Variants in CFAP74 observed in about 807,000 individuals in gnomAD.
The protein encoded by CFAP74 is cilia- and flagella-associated protein 74.
CFAP74 carries 124 observed loss-of-function variants against 188.9 expected under a neutral mutation model. That is an observed-to-expected ratio of 0.66 (90% CI 0.57 to 0.76). The LOEUF (loss-of-function observed/expected upper bound fraction) is 0.76, where lower values mean the gene tolerates loss of function less well. Among genes scored for constraint, CFAP74 ranks in the 30% least tolerant of loss-of-function variants. The probability of loss-of-function intolerance (pLI) is 0.00; values close to 1 mark genes in which losing one functional copy is unlikely to be tolerated. For missense variants in CFAP74, 2,198 were observed against 2,165.2 expected, an observed-to-expected ratio of 1.02 and a Z score of -0.30; for synonymous variants, 956 against 916.7, an observed-to-expected ratio of 1.04 and a Z score of -0.77.
chr1:1,965,792 G>A (rs1417986733), intron 12 of CFAP74, among the ~76,000 whole-genome samples: 1 of 152,202 alleles, frequency 6.6e-6, no homozygotes, highest in Non-Finnish European at 1.5e-5. Context: ...AGAACCAGCA[G>A]AACCAGGTGG....
intron 6 of CFAP74, among the ~76,000 whole-genome samples, chr1:1,983,520 C>T (rs912561302): frequency 6.6e-6 from 1 of 152,246 alleles, no homozygotes; most frequent in African/African-American, 2.4e-5. Context: ...CCGCCTGTCA[C>T]AGAAGAACCG....
rs181015303 is a variant in CFAP74, at chr1:1,955,698, C to A, written c.2169G>T (p.Gln723His). 6.0e-4 allele frequency: 971 copies of A among 1,608,474 alleles called. 4 individuals are homozygous for A. In the East Asian group the frequency reaches 0.015, roughly 25 times the overall value. Residue 723 changes from glutamine (Q) to histidine (H), a missense_variant, in exon 18 of 39, where the codon CAG becomes CAT. Physicochemically the swap from Gln to His is conservative, Grantham distance 24. Coordinates refer to ENST00000682832, the MANE Select transcript of CFAP74 (RefSeq NM_001304360.2). ...CCTGGCAGCCTGGCTCACCTGCGGG[C>A]TGCTCCTCCTCCTGCTCCTTGTCCA... is the stretch of plus-strand genomic sequence containing the variant. ...EKLDKEQEEE[Q>H]PAEPERLTTV...
In CFAP74 at chr1:1,926,335, GGGA is replaced by G; in HGVS notation, c.3838_3840del (p.Ser1280del). 6.5e-7 allele frequency: 1 copy of G among 1,548,450 alleles called. No homozygotes were observed. Among genetic ancestry groups the G allele is most frequent in the Non-Finnish European group, 8.7e-7 (1 of 1,145,794 alleles). On this transcript the variant is annotated inframe_deletion, in exon 32 of 39. Transcript: ENST00000682832. ...ACAAAGGGGCCGTTGGGGTTCAGCA[GGGA>G]GAAGTCCAGCTGAGGGTCCACGTCA...
chr1:1,959,422 C>T lies in CFAP74; in HGVS notation c.1762-213G>A, dbSNP rs117050329. ...TAGCTGGGATTACAGGCATGCGCCA[C>T]CATATCTGGCTAATTGTATTTTTTG... On this transcript the variant is annotated intron_variant, in intron 15 of 38. Coordinates refer to ENST00000682832, the MANE Select transcript of CFAP74 (RefSeq NM_001304360.2). 2.1e-3 allele frequency among the ~76,000 whole-genome samples: 323 copies of T among 151,920 alleles called. 13 individuals carry two copies. The highest frequency in any genetic ancestry group is 0.017 in the Admixed American group (266 of 15,262).
chr1:1,938,260 A>G (rs1468458108), intron 25 of CFAP74, among the ~76,000 whole-genome samples: 3 of 146,034 alleles, frequency 2.1e-5, no homozygotes, highest in South Asian at 2.2e-4. Flanking sequence ...CTCACACTCA[A>G]CCTTACACAC....
At chr1:1,977,012 A>AT (rs1282220651) in intron 6 of CFAP74, among the ~76,000 whole-genome samples, 3 of 150,032 alleles carry the variant, frequency 2.0e-5, no homozygotes, top group African/African-American at 7.4e-5. Flanking sequence ...TGCCCGGCTA[A>AT]TTTTTTGTAT....
chr1:1,948,149 G>A (rs1026167487), intron 18 of CFAP74, among the ~76,000 whole-genome samples: 1 of 152,172 alleles, frequency 6.6e-6, no homozygotes, highest in African/African-American at 2.4e-5. Context: ...GGGATTACAG[G>A]CGTGAGCCAC....
At chr1:1,928,386 G>A (rs2102032777) in intron 27 of CFAP74, among the ~76,000 whole-genome samples, 1 of 152,388 alleles carries the variant, frequency 6.6e-6, no homozygotes, top group South Asian at 2.1e-4. Context: ...TGCATCTGGA[G>A]TGTGGCAGGA....
chr1:1,938,496 A>C (rs1653106247), intron 25 of CFAP74, among the ~76,000 whole-genome samples: 1 of 141,070 alleles, frequency 7.1e-6, no homozygotes, highest in East Asian at 2.1e-4. Flanking sequence ...TGACAAACGC[A>C]CTCACACACC....
intron 9 of CFAP74, 47 bp from the exon 10 acceptor site, chr1:1,970,863 A>G (rs1558041525): frequency 6.2e-7 from 1 of 1,606,866 alleles, no homozygotes; most frequent in Non-Finnish European, 8.5e-7. Flanking sequence ...ACCCACGGGC[A>G]CATGCACACG....
At chr1:1,982,252 ACGCGGGGACACGCAGGACACCCAGCCG>A (rs749333214) in intron 6 of CFAP74, among the ~76,000 whole-genome samples, 14,922 of 141,540 alleles carry the variant, frequency 0.11, 1,293 homozygotes, top group Non-Finnish European at 0.13. Context: ...CCGTGGTCAC[ACGCGGGGACACGCAGGACACCCAGCCG>A]TGGTCACACG....
chr1:1,968,739 G>C lies in CFAP74; in HGVS notation c.1141C>G (p.Pro381Ala). 1 of 1,614,114 alleles carries C rather than the reference G, an allele frequency of 6.2e-7. No individual in the cohort carries two copies. Among genetic ancestry groups the C allele is most frequent in the Non-Finnish European group, 8.5e-7 (1 of 1,179,970 alleles). ...AGCCGGTGCCTGGCACTGGTGGGGG[G>C]ATGCTGTTTCTTCCTCTTTTCCTCC... is the stretch of plus-strand genomic sequence containing the variant. ...AEEEKRKKQH[P>A]PTSARHRLTL... The change falls in exon 11 of 39, where the codon CCC (proline) becomes GCC (alanine). Residue 381 changes from proline (P) to alanine (A), a missense_variant. Physicochemically the swap from Pro to Ala is conservative, Grantham distance 27. Coordinates refer to ENST00000682832, the MANE Select transcript of CFAP74 (RefSeq NM_001304360.2). This position sits in a 1 kb window ranked among gnomAD's most constrained non-coding sequence, Gnocchi z 4.3.
chr1:1,953,254 C>G (rs774289116), intron 18 of CFAP74: 1 of 149,420 alleles, frequency 6.7e-6, no homozygotes, highest in Non-Finnish European at 1.5e-5. Context: ...AAAAAAGAGG[C>G]GAGAACTATA....
rs554818531 is a variant in CFAP74 at position 1,924,726 on chromosome 1, G to A, written c.4105-206C>T. 1.2e-4 allele frequency among the ~76,000 whole-genome samples: 18 copies of A among 152,316 alleles called. 1 individual carries two copies. In the South Asian group the frequency reaches 2.7e-3, roughly 23 times the overall value. ...GCCTCTCATCAGCCTTTGCTAGGCCGGGGCTCGGCTTCCCTGCCTAGGGTG... is the reference window on the plus strand; with the variant it reads ...GCCTCTCATCAGCCTTTGCTAGGCCAGGGCTCGGCTTCCCTGCCTAGGGTG... On this transcript the variant is annotated intron_variant, in intron 33 of 38. Coordinates refer to ENST00000682832, the MANE Select transcript of CFAP74 (RefSeq NM_001304360.2).
chr1:1,989,219 G>A (rs1329937136), intron 2 of CFAP74, among the ~76,000 whole-genome samples: 1 of 152,096 alleles, frequency 6.6e-6, no homozygotes, highest in Non-Finnish European at 1.5e-5. Flanking sequence ...GGGAGCAAGG[G>A]CACAGCACCG....
At chr1:1,963,917 C>T in intron 13 of CFAP74, 50 bp from the exon 14 acceptor site, 2 of 1,208,004 alleles carry the variant, frequency 1.7e-6, no homozygotes, top group African/African-American at 1.5e-5. Flanking sequence ...GGGGGCTGTG[C>T]TGTGAGCACC....
In CFAP74 at chr1:1,992,568, G is replaced by A. The variant is rs1410584144; in HGVS notation, c.-19-1593C>T. ...GGCTCACTGCAAGCTCTGCCTCCTG[G>A]GTTCACGCCCCTCTCCTGTCTCAGC... On this transcript the variant is annotated intron_variant, in intron 1 of 38. Transcript: ENST00000682832. Among the ~76,000 whole-genome samples, 7 of 151,962 alleles carry A rather than the reference G, an allele frequency of 4.6e-5. No homozygotes were observed. The East Asian group carries it at 1.4e-3, about 30-fold the overall frequency.
At chr1:1,963,456 C>CAAAAAAAAAAAAAAA (rs772909618) in intron 14 of CFAP74, among the ~76,000 whole-genome samples, 1 of 32,880 alleles carries the variant, frequency 3.0e-5, no homozygotes. Context: ...GACTCCATCT[C>CAAAAAAAAAAAAAAA]AAAAAAAAAA....
In CFAP74 at chr1:1,922,150, G is replaced by A. The variant is rs959855351; in HGVS notation, c.*137C>T. The A allele has an allele frequency of 1.3e-5, 8 of 629,150 alleles. No individual in the cohort carries two copies. Among genetic ancestry groups the A allele is most frequent in the Admixed American group, 3.1e-5 (1 of 32,044 alleles). 39.0% of individuals were successfully genotyped at this position (629,150 alleles called of 1,614,324 possible). On this transcript the variant is annotated 3_prime_UTR_variant, in exon 39 of 39. Transcript: ENST00000682832. ...CAGGGCAGCAGGAAGTGGCCGTGGC[G>A]CCATGTGGAGGGCGGCCTATTGGAA...
Sources: allele counts gnomAD v4.1 joint callset (sites outside exome capture counted in the v4.1 genomes callset), GRCh38; gene constraint gnomAD v4.1.1; non-coding constraint Gnocchi (gnomAD v3.1); transcripts MANE v1.5; gene names NCBI Gene and HGNC (gene_info 2026-07-23, HGNC 2026-07-21).